Variants in ERC1 observed in about 807,000 individuals in gnomAD.
ERC1 encodes the protein ELKS/RAB6-interacting/CAST family member 1.
A neutral mutation model predicts 132.0 loss-of-function variants in ERC1; 56 were observed. The observed-to-expected ratio is 0.42, with a 90% confidence interval of 0.34 to 0.53. ERC1 has a LOEUF of 0.53. ERC1 is among the 20% of genes least tolerant of loss of function. The pLI is 0.03. For missense variants in ERC1, 1,202 were observed against 1,349.9 expected (o/e 0.89, Z 1.72); for synonymous variants, 478 against 476.1 (o/e 1.00, Z -0.05).
At chr12:1,143,375 TG>T (rs1950038879) in intron 8 of ERC1, among the ~76,000 whole-genome samples, 1 of 139,988 alleles carries the variant, frequency 7.1e-6, no homozygotes, top group Non-Finnish European at 1.5e-5. Context: ...TGTGTGTGTG[TG>T]TGTGTTCAGA....
At chr12:1,461,790 G>T (rs1265948085) in intron 18 of ERC1, among the ~76,000 whole-genome samples, 1 of 152,224 alleles carries the variant, frequency 6.6e-6, no homozygotes, top group South Asian at 2.1e-4. Context: ...AACATATATT[G>T]CTAAAACTAC....
intron 8 of ERC1, among the ~76,000 whole-genome samples, chr12:1,174,041 G>T (rs1953397172): frequency 2.0e-5 from 3 of 152,156 alleles, no homozygotes; most frequent in South Asian, 2.1e-4. Flanking sequence ...CATGATGCTG[G>T]ATTCAGTGGG....
intron 2 of ERC1, among the ~76,000 whole-genome samples, chr12:1,064,641 G>C (rs554646962): frequency 6.6e-6 from 1 of 152,086 alleles, no homozygotes; most frequent in Non-Finnish European, 1.5e-5. Flanking sequence ...GAATCCTCCC[G>C]CCTGGCCTCC....
At position 1,454,319 on chromosome 12, in the gene ERC1, A is replaced by G. The variant is rs116424176; in HGVS notation, c.3213+9569A>G. 3.6e-3 allele frequency among the ~76,000 whole-genome samples: 546 copies of G among 152,306 alleles called. 3 individuals are homozygous for G. Among genetic ancestry groups the G allele is most frequent in the African/African-American group, 0.012 (517 of 41,566 alleles). On this transcript the variant is annotated intron_variant, in intron 18 of 18. Transcript: ENST00000360905. ...GTTATCCTTTGAAATATCCTTTGTAATAAATGGGTAAACATGAGTAAAGTG... is the reference window on the plus strand; with the variant it reads ...GTTATCCTTTGAAATATCCTTTGTAGTAAATGGGTAAACATGAGTAAAGTG...
chr12:1,262,558 T>C (rs1329792553), intron 13 of ERC1, among the ~76,000 whole-genome samples: 1 of 152,276 alleles, frequency 6.6e-6, no homozygotes, highest in East Asian at 1.9e-4. Context: ...AGAAATCGTT[T>C]GCTGACAATT....
At chr12:1,250,926 C>T (rs2076432861) in intron 13 of ERC1, among the ~76,000 whole-genome samples, 2 of 151,852 alleles carry the variant, frequency 1.3e-5, no homozygotes, top group South Asian at 2.1e-4. Context: ...ACAGCTCTCC[C>T]GAAACCAATG....
chr12:1,475,508 C>G (rs1349594926), intron 18 of ERC1, among the ~76,000 whole-genome samples: 1 of 152,054 alleles, frequency 6.6e-6, no homozygotes, highest in African/African-American at 2.4e-5. Flanking sequence ...AAAAGGGGCT[C>G]AACCGTGAAG....
At chr12:1,051,723 A>G (rs1417461603) in intron 2 of ERC1, among the ~76,000 whole-genome samples, 1 of 152,124 alleles carries the variant, frequency 6.6e-6, no homozygotes, top group Non-Finnish European at 1.5e-5. Flanking sequence ...TGTCTCTTAT[A>G]ACAAGAATGA....
intron 4 of ERC1, 54 bp from the exon 5 acceptor site, chr12:1,110,138 G>A: frequency 7.0e-7 from 1 of 1,438,324 alleles, no homozygotes; most frequent in Non-Finnish European, 9.5e-7. Flanking sequence ...ATGTTATTCA[G>A]CTTTTCTGGG....
intron 15 of ERC1, among the ~76,000 whole-genome samples, chr12:1,300,491 C>T (rs573603698): frequency 1.8e-4 from 27 of 152,028 alleles, no homozygotes; most frequent in African/African-American, 6.3e-4. Flanking sequence ...TTCTGGACAG[C>T]AAAAGAAACT....
In ERC1 at chr12:1,493,226, G is replaced by C. The variant is rs2094331918; in HGVS notation, c.*2996G>C. On this transcript the variant is annotated 3_prime_UTR_variant, in exon 19 of 19. Transcript: ENST00000360905. The stretch of plus-strand genomic sequence containing the variant: ...ATACCATTTGAAATGGAAAAATTTT[G>C]AACGGGCTTTAACATGTTTAAGAAA... 5.2e-6 allele frequency: 1 copy of C among 193,406 alleles called. No homozygotes were observed. The highest frequency in any genetic ancestry group is 1.1e-5 in the Non-Finnish European group (1 of 92,670). The allele number at this position is 193,406 out of a possible 1,614,324, so 12.0% of individuals were successfully genotyped here.
intron 7 of ERC1, among the ~76,000 whole-genome samples, chr12:1,123,366 TA>T (rs1177537935): frequency 6.6e-6 from 1 of 151,902 alleles, no homozygotes; most frequent in African/African-American, 2.4e-5. Context: ...AAGGCTGAGA[TA>T]AGTACAAATC....
chr12:1,328,315 T>A (rs2082605277), intron 15 of ERC1, among the ~76,000 whole-genome samples: 1 of 151,258 alleles, frequency 6.6e-6, no homozygotes, highest in African/African-American at 2.4e-5. Flanking sequence ...TCCAGCTTAA[T>A]TTTTTTTTGT....
intron 8 of ERC1, 25 bp downstream of exon 8, chr12:1,141,812 A>G (rs748210218): frequency 1.3e-6 from 2 of 1,526,246 alleles, no homozygotes; most frequent in Non-Finnish European, 1.8e-6. Flanking sequence ...TTTCGAGTTC[A>G]GTGGCCCATT....
intron 12 of ERC1, among the ~76,000 whole-genome samples, chr12:1,211,583 G>C (rs1957879037): frequency 6.6e-6 from 1 of 151,998 alleles, no homozygotes; most frequent in African/African-American, 2.4e-5. Context: ...TTCTGAGATG[G>C]AGTTTCGCTT....
chr12:1,024,776 C>A (rs1326143155), intron 1 of ERC1, among the ~76,000 whole-genome samples: 1 of 146,618 alleles, frequency 6.8e-6, no homozygotes. Flanking sequence ...GCATCCACAG[C>A]TCAAACCACC....
intron 15 of ERC1, among the ~76,000 whole-genome samples, chr12:1,309,951 G>C (rs1448660535): frequency 6.7e-6 from 1 of 149,654 alleles, no homozygotes; most frequent in East Asian, 2.0e-4. Flanking sequence ...GTTTTGTTTT[G>C]TTTTGTTTTG....
At chr12:1,093,373 A>G (rs964049960) in intron 3 of ERC1, among the ~76,000 whole-genome samples, 1 of 152,156 alleles carries the variant, frequency 6.6e-6, no homozygotes, top group Non-Finnish European at 1.5e-5. Context: ...CAAATGCTGA[A>G]TTACAGGCAA....
intron 13 of ERC1, among the ~76,000 whole-genome samples, chr12:1,252,514 G>C (rs917856912): frequency 5.9e-5 from 9 of 152,272 alleles, no homozygotes; most frequent in African/African-American, 2.2e-4. Flanking sequence ...TTCCCAGTCT[G>C]TATGGGATAT....
Sources: gnomAD v4.1 joint callset for allele counts (sites outside exome capture counted in the v4.1 genomes callset) on GRCh38, gnomAD v4.1.1 for gene constraint, MANE v1.5 for transcripts, NCBI Gene and HGNC (gene_info 2026-07-23, HGNC 2026-07-21) for gene names.